PAG1: variants seen among roughly 807,000 people sequenced by gnomAD.
The protein encoded by PAG1 is phosphoprotein membrane anchor with glycosphingolipid microdomains 1.
PAG1 carries 23 observed loss-of-function variants against 31.7 expected under a neutral mutation model. The observed-to-expected ratio is 0.73, with a 90% confidence interval of 0.52 to 1.03. PAG1 has a LOEUF of 1.03. PAG1 is among the 50% of genes least tolerant of loss of function. The pLI is 0.00. For missense variants in PAG1, 473 were observed against 540.7 expected, an observed-to-expected ratio of 0.87 and a Z score of 1.24; for synonymous variants, 214 against 210.3, an observed-to-expected ratio of 1.02 and a Z score of -0.15.
At chr8:81,046,686 C>A (rs1243650554) in intron 2 of PAG1, among the ~76,000 whole-genome samples, 1 of 151,814 alleles carries the variant, frequency 6.6e-6, no homozygotes, top group South Asian at 2.1e-4. Context: ...TTTTAAATTT[C>A]CAATTTTTAT....
At chr8:81,070,818 A>G (rs542657143) in intron 1 of PAG1, among the ~76,000 whole-genome samples, 1 of 152,364 alleles carries the variant, frequency 6.6e-6, no homozygotes, top group Admixed American at 6.5e-5. Flanking sequence ...TTCTCCAAGA[A>G]TAAGTGTGAT....
intron 3 of PAG1, among the ~76,000 whole-genome samples, chr8:81,009,121 C>T (rs918765881): frequency 1.3e-5 from 2 of 152,172 alleles, no homozygotes; most frequent in African/African-American, 4.8e-5. Context: ...ATGCTCAAAG[C>T]TGTAATTATC....
At chr8:81,089,069 G>T (rs537027349) in intron 1 of PAG1, among the ~76,000 whole-genome samples, 23 of 152,184 alleles carry the variant, frequency 1.5e-4, no homozygotes, top group Non-Finnish European at 2.9e-4. Flanking sequence ...CAACTTACAA[G>T]TTAACAAGTT....
At chr8:81,098,013 T>G (rs1463874613) in intron 1 of PAG1, among the ~76,000 whole-genome samples, 1 of 152,240 alleles carries the variant, frequency 6.6e-6, no homozygotes, top group Non-Finnish European at 1.5e-5. Flanking sequence ...CTATAGTATA[T>G]TCTGCTTAAG....
chr8:81,021,112 G>A (rs1808159849), intron 3 of PAG1, among the ~76,000 whole-genome samples: 1 of 152,230 alleles, frequency 6.6e-6, no homozygotes, highest in African/African-American at 2.4e-5. Flanking sequence ...AGAAACAGAT[G>A]GCAGGGCTGG....
rs745995233 is a variant in PAG1 at position 80,984,825 on chromosome 8, C to A, written c.827G>T (p.Gly276Val). 2 of 1,614,032 alleles carry A rather than the reference C, an allele frequency of 1.2e-6. No individual in the cohort carries two copies. The highest frequency in any genetic ancestry group is 1.7e-6 in the Non-Finnish European group (2 of 1,180,004). ...DENENLQEKE[G>V]GEAEESATDT... Reference sequence around the variant, plus strand: ...TGTGGCACTCTCTTCCGCCTCTCCCCCTTCCTTCTCCTGAAGGTTTTCATT... The same window carrying A: ...TGTGGCACTCTCTTCCGCCTCTCCCACTTCCTTCTCCTGAAGGTTTTCATT... The change falls in exon 7 of 9, where the codon GGG (glycine) becomes GTG (valine). Residue 276 changes from glycine to valine, a missense_variant. Gly to Val is a moderately radical substitution (Grantham distance 109). Transcript: ENST00000220597.
chr8:81,057,104 AC>A (rs1808836838), intron 2 of PAG1, among the ~76,000 whole-genome samples: 1 of 152,140 alleles, frequency 6.6e-6, no homozygotes, highest in South Asian at 2.1e-4. Flanking sequence ...AAATAGGAAC[AC>A]TTTTACACTG....
chr8:81,013,166 A>G (rs754261051), intron 3 of PAG1, among the ~76,000 whole-genome samples: 18 of 152,210 alleles, frequency 1.2e-4, no homozygotes, highest in Admixed American at 9.2e-4. Flanking sequence ...ACCCCAGGAT[A>G]TTGGCTCCTC....
chr8:81,025,841 C>T (rs1375930488), intron 3 of PAG1, among the ~76,000 whole-genome samples: 1 of 152,208 alleles, frequency 6.6e-6, no homozygotes, highest in Non-Finnish European at 1.5e-5. Flanking sequence ...CAAATGCCAT[C>T]AGTCAATGGG....
At chr8:81,023,674 T>C (rs937728965) in intron 3 of PAG1, among the ~76,000 whole-genome samples, 12 of 152,108 alleles carry the variant, frequency 7.9e-5, no homozygotes, top group African/African-American at 2.2e-4. Flanking sequence ...TTATTTCTAA[T>C]AAATCAAGGT....
intron 1 of PAG1, among the ~76,000 whole-genome samples, chr8:81,105,345 G>C (rs1809677719): frequency 6.6e-6 from 1 of 152,052 alleles, no homozygotes. Context: ...ATGTATAAAT[G>C]AATAAATACC....
Position 80,991,467 on chromosome 8 carries a change from G to T in PAG1, c.177+12C>A, listed in dbSNP as rs1391795075. The stretch of plus-strand genomic sequence containing the variant: ...GCACGGACAGACAGGCAGACGACAC[G>T]CGCAGGCTCACCACGTTCATCAGGT... On this transcript the variant is annotated intron_variant, in intron 5 of 8. Coordinates refer to ENST00000220597, the MANE Select transcript of PAG1 (RefSeq NM_018440.4). 6.2e-7 allele frequency: 1 copy of T among 1,607,258 alleles called. No homozygotes were observed. The highest frequency in any genetic ancestry group is 8.5e-7 in the Non-Finnish European group (1 of 1,173,788).
intron 2 of PAG1, among the ~76,000 whole-genome samples, chr8:81,069,402 G>A (rs61004663): frequency 0.042 from 6,346 of 152,268 alleles, 418 homozygotes; most frequent in African/African-American, 0.14. Context: ...CTTGAGGTTT[G>A]TAAAATAAAT....
chr8:81,107,464 C>T (rs1227759866), intron 1 of PAG1, among the ~76,000 whole-genome samples: 4 of 152,158 alleles, frequency 2.6e-5, no homozygotes, highest in African/African-American at 4.8e-5. Context: ...ATAAGTATCA[C>T]GGGCCTCCTT....
At chr8:80,994,097 A>AATCTCCCTAATCCACTGCCATCTCTC (rs1426181699) in intron 3 of PAG1, among the ~76,000 whole-genome samples, 18 of 150,620 alleles carry the variant, frequency 1.2e-4, no homozygotes, top group Non-Finnish European at 2.4e-4. Context: ...TGCCATCTCT[A>AATCTCCCTAATCCACTGCCATCTCTC]ATCTCCCTAA....
At chr8:81,018,350 C>A (rs532537060) in intron 3 of PAG1, among the ~76,000 whole-genome samples, 20 of 152,186 alleles carry the variant, frequency 1.3e-4, no homozygotes, top group Admixed American at 1.3e-3. Flanking sequence ...AATTAAGGCA[C>A]AATTTAATAT....
At chr8:81,022,455 C>T (rs1255043167) in intron 3 of PAG1, among the ~76,000 whole-genome samples, 3 of 152,166 alleles carry the variant, frequency 2.0e-5, no homozygotes, top group East Asian at 3.9e-4. Flanking sequence ...TGGAAAATAA[C>T]GATGCTTATC....
intron 2 of PAG1, among the ~76,000 whole-genome samples, chr8:81,039,099 G>A (rs2130825481): frequency 6.6e-6 from 1 of 152,254 alleles, no homozygotes; most frequent in South Asian, 2.1e-4. Context: ...TCTAATAAGA[G>A]TCCATGTTCA....
chr8:81,092,876 A>G (rs1213564475), intron 1 of PAG1, among the ~76,000 whole-genome samples: 1 of 152,216 alleles, frequency 6.6e-6, no homozygotes, highest in Non-Finnish European at 1.5e-5. Flanking sequence ...ATTGACAGAG[A>G]AAGCACAAAA....
Sources: gnomAD v4.1 joint callset for allele counts (sites outside exome capture counted in the v4.1 genomes callset) on GRCh38, gnomAD v4.1.1 for gene constraint, MANE v1.5 for transcripts, NCBI Gene and HGNC (gene_info 2026-07-23, HGNC 2026-07-21) for gene names.